The following KIF9 variants were observed in gnomAD, a reference collection of about 807,000 sequenced individuals.
The protein encoded by KIF9 is kinesin family member 9.
A neutral mutation model predicts 94.8 loss-of-function variants in KIF9; 68 were observed. The observed-to-expected ratio is 0.72, with a 90% CI of 0.59 to 0.88. KIF9 has a LOEUF of 0.88. Ranked by LOEUF, KIF9 falls within the 40% of genes least tolerant of loss-of-function variation. The probability of loss-of-function intolerance (pLI) is 0.00; values close to 1 mark genes in which losing one functional copy is unlikely to be tolerated. For synonymous variants in KIF9, 343 were observed against 362.1 expected (o/e 0.95, Z 0.60); for missense variants, 882 against 982.5 (o/e 0.90, Z 1.37).
At position 47,275,498 on chromosome 3, in the gene KIF9, A is replaced by G; in HGVS notation, c.94-8T>C. The G allele has an allele frequency of 6.3e-7, 1 of 1,591,118 alleles. No homozygotes were observed. The highest frequency in any genetic ancestry group is 8.5e-7 in the Non-Finnish European group (1 of 1,171,634). ...TAAGTGAATATCAATGCTCTAGGAA[A>G]AAAGAGTGAGAAAGAAAAAAATGTT... On this transcript the variant is annotated splice_polypyrimidine_tract_variant and splice_region_variant and intron_variant, in intron 2 of 20. Transcript: ENST00000684063.
chr3:47,240,659 C>T (rs1699399630), intron 17 of KIF9, 142 bp downstream of exon 17: 2 of 685,296 alleles, frequency 2.9e-6, no homozygotes, highest in South Asian at 1.8e-5. Flanking sequence ...GCTAAGTGAT[C>T]TGACCTATGG....
intron 1 of KIF9, among the ~76,000 whole-genome samples, chr3:47,280,214 TCA>T (rs1305059595): frequency 1.3e-5 from 2 of 152,162 alleles, no homozygotes; most frequent in Non-Finnish European, 2.9e-5. Flanking sequence ...CACCTCAGCC[TCA>T]CACTCAATTT....
intron 1 of KIF9, among the ~76,000 whole-genome samples, chr3:47,277,912 T>C (rs541158032): frequency 6.6e-6 from 1 of 152,268 alleles, no homozygotes; most frequent in South Asian, 2.1e-4. Context: ...TCTCTTACTA[T>C]ATTGAGAAAA....
chr3:47,279,846 T>C (rs1382378920), intron 1 of KIF9, among the ~76,000 whole-genome samples: 1 of 152,210 alleles, frequency 6.6e-6, no homozygotes, highest in East Asian at 1.9e-4. Context: ...CTCGATCTCC[T>C]GACCTCGTGA....
Position 47,244,992 on chromosome 3 carries a change from T to C in KIF9, c.1381-68A>G, listed in dbSNP as rs1437407954. The C allele has an allele frequency of 3.1e-6, 5 of 1,590,524 alleles. No individual in the cohort carries two copies. The African/African-American group carries it at 5.4e-5, about 17-fold the overall frequency. ...GGCTTGGACCCCTTGGGGACCCACA[T>C]GTATATGGCCCAAGGCTCAGGGTGG... On this transcript the variant is annotated intron_variant, in intron 14 of 20. Coordinates refer to ENST00000684063, the MANE Select transcript of KIF9 (RefSeq NM_182902.4).
At chr3:47,243,342 A>G in intron 15 of KIF9, 97 bp from the exon 16 acceptor site, 1 of 970,642 alleles carries the variant, frequency 1.0e-6, no homozygotes, top group East Asian at 2.7e-5. Context: ...TACACTGGGA[A>G]CCCCACCTCA....
At position 47,228,677 on chromosome 3, in the gene KIF9, C is replaced by T. The variant is rs1698327593; in HGVS notation, c.2348G>A (p.Gly783Asp). The T allele has an allele frequency of 6.8e-6, 11 of 1,613,854 alleles. No individual in the cohort carries two copies. Among genetic ancestry groups the T allele is most frequent in the Non-Finnish European group, 9.3e-6 (11 of 1,179,826 alleles). Residue 783 changes from glycine to aspartate, a missense_variant, in exon 21 of 21, where the codon GGC becomes GAC. By Grantham distance (94) the Gly-to-Asp change is moderately conservative. Transcript: ENST00000684063. ...QKHNYLKTMM[G>D]LQQAHRK Reference sequence around the variant, plus strand: ...CTATTTTCTATGTGCCTGCTGGAGGCCCATCATGGTTTTCAAGTAATTATG... The same window carrying T: ...CTATTTTCTATGTGCCTGCTGGAGGTCCATCATGGTTTTCAAGTAATTATG...
chr3:47,242,746 C>A (rs1699657547), intron 16 of KIF9, among the ~76,000 whole-genome samples: 1 of 152,124 alleles, frequency 6.6e-6, no homozygotes, highest in Non-Finnish European at 1.5e-5. Context: ...TTCTTTCATA[C>A]TTTAAAATTT....
At chr3:47,239,468 C>T in intron 17 of KIF9, 1 of 808,098 alleles carries the variant, frequency 1.2e-6, no homozygotes, top group Non-Finnish European at 1.5e-6. Context: ...CTCCAGCTTC[C>T]CAGACCCGTG....
At chr3:47,236,267 T>G (rs1008192812) in intron 18 of KIF9, 118 bp from the exon 19 acceptor site, 12 of 991,426 alleles carry the variant, frequency 1.2e-5, no homozygotes, top group Non-Finnish European at 1.7e-5. Context: ...GGTCTTACCC[T>G]GTCCCCATCT....
In KIF9 at chr3:47,240,936, T is replaced by C. The variant is rs1699426681; in HGVS notation, c.1789A>G (p.Lys597Glu). The C allele has an allele frequency of 6.2e-7, 1 of 1,614,088 alleles. No homozygotes were observed. The highest frequency in any genetic ancestry group is 8.5e-7 in the Non-Finnish European group (1 of 1,180,050). ...TCATTCAAGATGGATTTGTTTTCTT[T>C]GAAAATTCGGTTGATCTCACTACCT... Reference protein sequence around the residue: ...EQGSEINRIFKENKSILNERR... With the variant: ...EQGSEINRIFEENKSILNERR... Residue 597 changes from lysine (K) to glutamate (E), a missense_variant, in exon 17 of 21, where the codon AAA becomes GAA. Transcript: ENST00000684063.
intron 18 of KIF9, 61 bp from the exon 19 acceptor site, chr3:47,236,210 G>C: frequency 7.8e-7 from 1 of 1,275,418 alleles, no homozygotes; most frequent in Non-Finnish European, 1.1e-6. Flanking sequence ...GCTGTCATCT[G>C]TCTTATATCT....
chr3:47,252,372 C>G (rs1340345657), intron 10 of KIF9, among the ~76,000 whole-genome samples: 1 of 151,602 alleles, frequency 6.6e-6, no homozygotes, highest in African/African-American at 2.4e-5. Flanking sequence ...GCTAAGAGGA[C>G]CCCCTGAGCC....
Position 47,257,410 on chromosome 3 carries a change from G to A in KIF9, c.1059+73C>T, listed in dbSNP as rs1396952524. 6.0e-6 allele frequency: 8 copies of A among 1,336,272 alleles called. No homozygotes were observed. In the East Asian group the frequency reaches 6.9e-5, roughly 12 times the overall value. The allele number at this position is 1,336,272 out of a possible 1,614,324, so 82.8% of individuals were successfully genotyped here. A position where few individuals can be genotyped will look rare whatever the true frequency, so the allele number is the denominator to read the frequency against. On this transcript the variant is annotated intron_variant, in intron 10 of 20. Coordinates refer to ENST00000684063, the MANE Select transcript of KIF9 (RefSeq NM_182902.4). ...TGGTTGAGGCAGGAAGGGAAGGCTC[G>A]CTTGTGTGACCCAAGCAGCAAACCC...
intron 20 of KIF9, 118 bp from the exon 21 acceptor site, chr3:47,228,820 G>T (rs1273746714): frequency 1.2e-6 from 1 of 802,916 alleles, no homozygotes; most frequent in Non-Finnish European, 2.2e-6. Flanking sequence ...ATGGGTTGTG[G>T]ACAAGGATTC....
At chr3:47,277,110 T>G (rs1039938001) in intron 2 of KIF9, 172 bp downstream of exon 2, 7 of 415,044 alleles carry the variant, frequency 1.7e-5, no homozygotes, top group African/African-American at 1.2e-4. Flanking sequence ...TTTTATTAAT[T>G]TCTTCATTAG....
At chr3:47,236,316 C>A in intron 18 of KIF9, 127 bp downstream of exon 18, 2 of 1,147,860 alleles carry the variant, frequency 1.7e-6, no homozygotes, top group East Asian at 2.5e-5. Context: ...CCACACATCT[C>A]AAGCCCCTGC....
rs368001559 is a variant in KIF9 at position 47,235,626 on chromosome 3, G to A, written c.2218-9C>T. 6.2e-7 allele frequency: 1 copy of A among 1,605,812 alleles called. No individual in the cohort carries two copies. Among genetic ancestry groups the A allele is most frequent in the Non-Finnish European group, 8.5e-7 (1 of 1,172,684 alleles). ...TCCTGGTCATCTTCTCCCTGGGGGA[G>A]GACAGTCCCTTTAGCATGGTATTGT... On this transcript the variant is annotated splice_polypyrimidine_tract_variant and intron_variant, in intron 19 of 20. Transcript: ENST00000684063.
At chr3:47,240,246 C>T (rs899335155) in intron 17 of KIF9, 3 of 230,504 alleles carry the variant, frequency 1.3e-5, no homozygotes, top group African/African-American at 2.2e-5. Context: ...CTGGAGCACC[C>T]CCTGCCACCA....
Sources: allele counts gnomAD v4.1 joint callset (sites outside exome capture counted in the v4.1 genomes callset), GRCh38; gene constraint gnomAD v4.1.1; transcripts MANE v1.5; gene names NCBI Gene and HGNC (gene_info 2026-07-23, HGNC 2026-07-21).